Variants in APOBEC4 observed in about 807,000 individuals in gnomAD.
APOBEC4 encodes the protein putative deaminase APOBEC-4.
For missense variants in APOBEC4, 375 were observed against 441.2 expected, an observed-to-expected ratio of 0.85 and a Z score of 1.34; for synonymous variants, 141 against 154.2, an observed-to-expected ratio of 0.91 and a Z score of 0.63.
chr1:183,651,674 T>C lies in APOBEC4; in HGVS notation c.-31+1398A>G, dbSNP rs551094370. On this transcript the variant is annotated intron_variant, in intron 1 of 1. Coordinates refer to ENST00000308641, the MANE Select transcript of APOBEC4 (RefSeq NM_203454.3). The stretch of plus-strand genomic sequence containing the variant: ...CCTAGCCTCTGCTGTGTCATCTTAA[T>C]CCATAGGATTGGACATTAGCTTTGT... Among the ~76,000 whole-genome samples, 16 of 152,374 alleles carry C rather than the reference T, an allele frequency of 1.1e-4. No homozygotes were observed. In the South Asian group the frequency reaches 3.3e-3, roughly 32 times the overall value.
rs1650451248 is a variant in APOBEC4 at position 183,648,218 on chromosome 1, T to C, written c.564A>G (p.Pro188=). 1 of 1,614,072 alleles carries C rather than the reference T, an allele frequency of 6.2e-7. No individual in the cohort carries two copies. Among genetic ancestry groups the C allele is most frequent in the African/African-American group, 1.3e-5 (1 of 74,908 alleles). ...ASLWPRVVLS[P]ISGGIWHSVL... is the part of the protein sequence containing the mutation. Reference sequence around the variant, plus strand: ...CAGAATGCCAGATCCCACCACTTATTGGACTCAAAACAACCCGCGGCCATA... The same window carrying C: ...CAGAATGCCAGATCCCACCACTTATCGGACTCAAAACAACCCGCGGCCATA... The change falls in exon 2 of 2, where the codon CCA becomes CCG. Residue 188 remains proline (P), a synonymous_variant. Transcript: ENST00000308641.
chr1:183,648,898 A>C (rs1337704109), intron 1 of APOBEC4, 87 bp from the exon 2 acceptor site: 47 of 814,420 alleles, frequency 5.8e-5, no homozygotes, highest in Non-Finnish European at 7.9e-5. Flanking sequence ...ACTTTCTTTA[A>C]AGGAAGTAGC....
rs1345683465 is a variant in APOBEC4, at chr1:183,647,263, C to T, written c.*415G>A. 1 of 156,174 alleles carries T rather than the reference C, an allele frequency of 6.4e-6. No homozygotes were observed. Among genetic ancestry groups the T allele is most frequent in the African/African-American group, 2.4e-5 (1 of 41,520 alleles). 9.7% of individuals were successfully genotyped at this position (156,174 alleles called of 1,614,324 possible). A position where few individuals can be genotyped will look rare whatever the true frequency, so the allele number is the denominator to read the frequency against. Reference sequence around the variant, plus strand: ...CACTGGTTTGCTCCTGCAAACAGCACTTAATGTCAGTAGCTTCAGGCTGTT... The same window carrying T: ...CACTGGTTTGCTCCTGCAAACAGCATTTAATGTCAGTAGCTTCAGGCTGTT... On this transcript the variant is annotated 3_prime_UTR_variant, in exon 2 of 2. Coordinates refer to ENST00000308641, the MANE Select transcript of APOBEC4 (RefSeq NM_203454.3).
chr1:183,650,225 C>T (rs1045886783), intron 1 of APOBEC4, among the ~76,000 whole-genome samples: 4 of 152,082 alleles, frequency 2.6e-5, no homozygotes, highest in African/African-American at 7.3e-5. Context: ...TAATATTGTG[C>T]CATGAGCATT....
chr1:183,648,188 G>C lies in APOBEC4; in HGVS notation c.594C>G (p.Leu198=). The change falls in exon 2 of 2, where the codon CTC becomes CTG. Residue 198 remains leucine (L), a synonymous_variant. Transcript: ENST00000308641. ...PISGGIWHSV[L]HSFISGVSGS... ...CTGAGACACCACTTATAAAGCTGTG[G>C]AGAACAGAATGCCAGATCCCACCAC... The C allele has an allele frequency of 6.2e-7, 1 of 1,614,196 alleles. No individual in the cohort carries two copies. Among genetic ancestry groups the C allele is most frequent in the East Asian group, 2.2e-5 (1 of 44,890 alleles).
chr1:183,649,689 A>G (rs1386803567), intron 1 of APOBEC4, among the ~76,000 whole-genome samples: 1 of 152,216 alleles, frequency 6.6e-6, no homozygotes, highest in Non-Finnish European at 1.5e-5. Context: ...ATGGTTCTTT[A>G]GAATATTTCA....
chr1:183,652,002 A>C (rs1650792399), intron 1 of APOBEC4, among the ~76,000 whole-genome samples: 1 of 152,212 alleles, frequency 6.6e-6, no homozygotes, highest in South Asian at 2.1e-4. Context: ...TACACCGGAC[A>C]TCCAGGTTAC....
Position 183,648,496 on chromosome 1 carries a change from A to T in APOBEC4, c.286T>A (p.Ser96Thr). 6.2e-7 allele frequency: 1 copy of T among 1,614,234 alleles called. No individual in the cohort carries two copies. The change falls in exon 2 of 2, where the codon TCA becomes ACA. Residue 96 changes from serine to threonine, a missense_variant. By Grantham distance (58) the Ser-to-Thr change is moderately conservative. Transcript: ENST00000308641. The part of the protein sequence containing the change: ...SCTGNYIHPE[S>T]MLFEMNGYLD... ...TAACCATTCATTTCAAAGAGCATTG[A>T]TTCTGGATGGATATAATTCCCAGTG...
intron 1 of APOBEC4, among the ~76,000 whole-genome samples, chr1:183,651,703 T>C (rs1189822962): frequency 6.6e-6 from 1 of 152,238 alleles, no homozygotes; most frequent in Non-Finnish European, 1.5e-5. Flanking sequence ...GCTTTGTTTT[T>C]TCCTTAGTAC....
rs1650320697 is a variant in APOBEC4, at chr1:183,646,758, C to T, written c.*920G>A. ...ATCTCTTGCAGGATGGTGAAGCAGG[C>T]TTTCAGCTGGGATGGAGAAGGGATG... On this transcript the variant is annotated 3_prime_UTR_variant, in exon 2 of 2. Coordinates refer to ENST00000308641, the MANE Select transcript of APOBEC4 (RefSeq NM_203454.3). 2 of 152,200 alleles carry T rather than the reference C, an allele frequency of 1.3e-5. No homozygotes were observed. The allele number at this position is 152,200 out of a possible 1,614,324, so 9.4% of individuals were successfully genotyped here. A position where few individuals can be genotyped will look rare whatever the true frequency, so the allele number is the denominator to read the frequency against.
chr1:183,646,398 T>C lies in APOBEC4; in HGVS notation c.*1280A>G, dbSNP rs1186396251. On this transcript the variant is annotated 3_prime_UTR_variant, in exon 2 of 2. Coordinates refer to ENST00000308641, the MANE Select transcript of APOBEC4 (RefSeq NM_203454.3). The stretch of plus-strand genomic sequence containing the variant: ...AATGTTTTAATGTCATGGCAAACTC[T>C]TTTATTAGCTTAGGATTACTTTATA... 1 of 150,866 alleles carries C rather than the reference T, an allele frequency of 6.6e-6. No homozygotes were observed. Among genetic ancestry groups the C allele is most frequent in the Non-Finnish European group, 1.5e-5 (1 of 67,626 alleles). 9.3% of individuals were successfully genotyped at this position (150,866 alleles called of 1,614,324 possible).
In APOBEC4 at chr1:183,646,516, C is replaced by T. The variant is rs1295855702; in HGVS notation, c.*1162G>A. 6.6e-6 allele frequency: 1 copy of T among 152,066 alleles called. No homozygotes were observed. Among genetic ancestry groups the T allele is most frequent in the Non-Finnish European group, 1.5e-5 (1 of 67,998 alleles). The allele number at this position is 152,066 out of a possible 1,614,324, so 9.4% of individuals were successfully genotyped here. On this transcript the variant is annotated 3_prime_UTR_variant, in exon 2 of 2. Coordinates refer to ENST00000308641, the MANE Select transcript of APOBEC4 (RefSeq NM_203454.3). ...TTACATATTTCAAAGAGGCAAGTGG[C>T]AGCAAATGTGAAATAAGCATAAGCA...
intron 1 of APOBEC4, among the ~76,000 whole-genome samples, chr1:183,650,047 A>G (rs1650605185): frequency 6.6e-6 from 1 of 152,122 alleles, no homozygotes; most frequent in Admixed American, 6.5e-5. Flanking sequence ...TCCTGGGCTC[A>G]AGTGATCCTC....
At chr1:183,652,040 A>G (rs6658064) in intron 1 of APOBEC4, among the ~76,000 whole-genome samples, 10,449 of 152,262 alleles carry the variant, frequency 0.069, 618 homozygotes, top group African/African-American at 0.16. Context: ...CAACTCACCC[A>G]TAGACAATTT....
chr1:183,648,955 A>G, intron 1 of APOBEC4, 144 bp from the exon 2 acceptor site: 2 of 572,150 alleles, frequency 3.5e-6, no homozygotes, highest in Non-Finnish European at 6.0e-6. Flanking sequence ...CTCAGGATTC[A>G]TTATTCTTTA....
At position 183,648,176 on chromosome 1, in the gene APOBEC4, T is replaced by A. The variant is rs10911392; in HGVS notation, c.606A>T (p.Ile202=). 0.041 allele frequency: 65,419 copies of A among 1,614,100 alleles called. 2,744 individuals carry two copies. The highest frequency in any genetic ancestry group is 0.21 in the African/African-American group (16,078 of 74,968). The stretch of plus-strand genomic sequence containing the variant: ...AAACATGTGATCCTGAGACACCACT[T>A]ATAAAGCTGTGGAGAACAGAATGCC... ...GIWHSVLHSF[I]SGVSGSHVFQ... The change falls in exon 2 of 2, where the codon ATA becomes ATT. Residue 202 remains isoleucine (I), a synonymous_variant. Coordinates refer to ENST00000308641, the MANE Select transcript of APOBEC4 (RefSeq NM_203454.3).
At chr1:183,650,769 A>G (rs755160255) in intron 1 of APOBEC4, among the ~76,000 whole-genome samples, 28 of 151,610 alleles carry the variant, frequency 1.8e-4, no homozygotes, top group Non-Finnish European at 3.2e-4. Flanking sequence ...ACATTGTCAA[A>G]TCGCTTCCTA....
intron 1 of APOBEC4, 35 bp from the exon 2 acceptor site, chr1:183,648,846 C>T (rs551756459): frequency 4.4e-5 from 59 of 1,350,186 alleles, no homozygotes; most frequent in East Asian, 1.2e-4. Flanking sequence ...ATAAAACCAG[C>T]GCAGGAAAAA....
rs1195436264 is a variant in APOBEC4 at position 183,648,547 on chromosome 1, C to G, written c.235G>C (p.Val79Leu). 5.0e-6 allele frequency: 8 copies of G among 1,614,000 alleles called. No individual in the cohort carries two copies. The East Asian group carries it at 1.8e-4, about 36-fold the overall frequency. ...YELKTSSGSLVQKGHASSCTG... is the reference protein window; with the variant it reads ...YELKTSSGSLLQKGHASSCTG... ...CAACTGCTAGCATGGCCCTTTTGCA[C>G]CAGGCTACCAGAAGAAGTTTTTAGT... The change falls in exon 2 of 2, where the codon GTG becomes CTG. Residue 79 changes from valine (V) to leucine (L), a missense_variant. Coordinates refer to ENST00000308641, the MANE Select transcript of APOBEC4 (RefSeq NM_203454.3).
Sources: gnomAD v4.1 joint callset for allele counts (sites outside exome capture counted in the v4.1 genomes callset) on GRCh38, gnomAD v4.1.1 for gene constraint, MANE v1.5 for transcripts, NCBI Gene and HGNC (gene_info 2026-07-23, HGNC 2026-07-21) for gene names.